CSMD1: variants seen among roughly 807,000 people sequenced by gnomAD.
The protein encoded by CSMD1 is CUB and Sushi multiple domains 1.
Under a neutral mutation model 417.5 loss-of-function variants are expected in CSMD1, and 213 were observed. The ratio of observed to expected loss-of-function variants is 0.51; its 90% CI spans 0.46 to 0.57. The LOEUF (loss-of-function observed/expected upper bound fraction) is 0.57. Among genes scored for constraint, CSMD1 ranks in the 20% least tolerant of loss-of-function variants. The pLI is 0.00. For missense variants in CSMD1, 6,923 were observed against 4,529.7 expected (o/e 1.53, Z -15.17); for synonymous variants, 2,862 against 1,736.8 (o/e 1.65, Z -16.11).
intron 1 of CSMD1, among the ~76,000 whole-genome samples, chr8:4,936,657 T>C (rs1585364483): frequency 6.6e-6 from 1 of 152,216 alleles, no homozygotes; most frequent in Non-Finnish European, 1.5e-5. Context: ...GAGCTAGTTA[T>C]GGACATTATT....
intron 1 of CSMD1, among the ~76,000 whole-genome samples, chr8:4,840,346 AATG>A (rs1169613223): frequency 1.3e-5 from 2 of 152,230 alleles, no homozygotes; most frequent in Admixed American, 6.5e-5. Flanking sequence ...TCTGTAATGC[AATG>A]ATGATAACTG....
chr8:3,843,201 A>G (rs1803246177), intron 5 of CSMD1, among the ~76,000 whole-genome samples: 1 of 152,034 alleles, frequency 6.6e-6, no homozygotes. Flanking sequence ...TTCCTTGAAA[A>G]CCTTGCTTTC....
chr8:4,619,174 T>C (rs570426845), intron 2 of CSMD1, among the ~76,000 whole-genome samples: 1 of 152,270 alleles, frequency 6.6e-6, no homozygotes, highest in African/African-American at 2.4e-5. Context: ...CACTTACTTT[T>C]AAGGGTGGTG....
chr8:4,099,242 T>A (rs1801179502), intron 3 of CSMD1, among the ~76,000 whole-genome samples: 1 of 151,328 alleles, frequency 6.6e-6, no homozygotes, highest in South Asian at 2.1e-4. Context: ...ATTCCTTCCC[T>A]CTTCAAGTGT....
intron 5 of CSMD1, among the ~76,000 whole-genome samples, chr8:3,780,594 A>G (rs1454437508): frequency 1.3e-5 from 2 of 152,214 alleles, no homozygotes; most frequent in African/African-American, 2.4e-5. Context: ...AGTGCATCTA[A>G]TAATTCACTA....
chr8:3,065,799 C>G (rs991765275), intron 49 of CSMD1, among the ~76,000 whole-genome samples: 1 of 152,066 alleles, frequency 6.6e-6, no homozygotes, highest in African/African-American at 2.4e-5. Flanking sequence ...ATGGATAAAT[C>G]AAAAGTATTA....
chr8:4,543,077 A>G (rs1412203515), intron 2 of CSMD1, among the ~76,000 whole-genome samples: 2 of 152,194 alleles, frequency 1.3e-5, no homozygotes, highest in Non-Finnish European at 2.9e-5. Flanking sequence ...CATGCCTCCC[A>G]TAGTTTTCCC....
At chr8:3,808,597 C>G (rs1226206577) in intron 5 of CSMD1, among the ~76,000 whole-genome samples, 2 of 152,190 alleles carry the variant, frequency 1.3e-5, no homozygotes, top group African/African-American at 4.8e-5. Context: ...TAATTGCACA[C>G]TGCTGTCACT....
intron 3 of CSMD1, among the ~76,000 whole-genome samples, chr8:4,168,218 CAT>C (rs1191776273): frequency 2.0e-5 from 3 of 151,348 alleles, no homozygotes; most frequent in African/African-American, 7.3e-5. Flanking sequence ...TATACACACA[CAT>C]ATATACACAA....
In CSMD1 at chr8:4,562,788, A is replaced by C. The variant is rs115982532; in HGVS notation, c.302+74554T>G. On this transcript the variant is annotated intron_variant, in intron 2 of 69. Transcript: ENST00000635120. ...GTCAAGAATATATATCCTAAAAGGT[A>C]TATCATATAAATAAATACAGCAGAT... 3.7e-3 allele frequency among the ~76,000 whole-genome samples: 568 copies of C among 152,282 alleles called. 5 individuals are homozygous for C. Among genetic ancestry groups the C allele is most frequent in the African/African-American group, 0.013 (542 of 41,546 alleles).
At chr8:3,188,056 G>GTGTACATGTATATATATATACATA in intron 35 of CSMD1, 91 bp from the exon 36 acceptor site, 1 of 651,520 alleles carries the variant, frequency 1.5e-6, no homozygotes, top group Non-Finnish European at 2.6e-6. Context: ...CATGATTAAG[G>GTGTACATGTATATATATATACATA]TGTATATGTA....
chr8:4,003,154 G>A (rs1815829006), intron 4 of CSMD1, among the ~76,000 whole-genome samples: 1 of 152,072 alleles, frequency 6.6e-6, no homozygotes, highest in Non-Finnish European at 1.5e-5. Flanking sequence ...AACACTTTGG[G>A]AGCCCTAGGA....
intron 1 of CSMD1, among the ~76,000 whole-genome samples, chr8:4,763,308 C>A (rs749764309): frequency 6.6e-6 from 1 of 152,130 alleles, no homozygotes; most frequent in East Asian, 1.9e-4. Context: ...TAACTCTTTC[C>A]CTCCTGAATG....
intron 1 of CSMD1, among the ~76,000 whole-genome samples, chr8:4,769,061 T>A (rs1465839952): frequency 6.6e-6 from 1 of 152,224 alleles, no homozygotes; most frequent in African/African-American, 2.4e-5. Flanking sequence ...TTAGAATGTG[T>A]GAGGCAAACA....
At chr8:4,158,079 C>A (rs1449547679) in intron 3 of CSMD1, among the ~76,000 whole-genome samples, 1 of 132,660 alleles carries the variant, frequency 7.5e-6, no homozygotes, top group African/African-American at 2.7e-5. Context: ...CATTACAATA[C>A]AAGAAAACCC....
At chr8:3,922,279 G>C (rs957192520) in intron 5 of CSMD1, among the ~76,000 whole-genome samples, 3 of 151,536 alleles carry the variant, frequency 2.0e-5, no homozygotes, top group Non-Finnish European at 4.4e-5. Flanking sequence ...TAAAAACATA[G>C]TGAGTTCCTT....
intron 1 of CSMD1, among the ~76,000 whole-genome samples, chr8:4,760,344 C>A (rs1310200353): frequency 6.6e-6 from 1 of 152,112 alleles, no homozygotes; most frequent in East Asian, 1.9e-4. Flanking sequence ...CTAGTGAAAT[C>A]AACATGAAGG....
intron 3 of CSMD1, among the ~76,000 whole-genome samples, chr8:4,368,553 G>C (rs1263839065): frequency 2.6e-5 from 4 of 152,122 alleles, no homozygotes; most frequent in African/African-American, 7.2e-5. Context: ...ATAGGTACTA[G>C]CTCTTTTTTG....
At chr8:4,277,214 T>TATAC (rs1554515951) in intron 3 of CSMD1, among the ~76,000 whole-genome samples, 1 of 143,764 alleles carries the variant, frequency 7.0e-6, no homozygotes, top group African/African-American at 2.5e-5. Flanking sequence ...TATATATATA[T>TATAC]ATACACACAG....
Sources: gnomAD v4.1 joint callset for allele counts (sites outside exome capture counted in the v4.1 genomes callset) on GRCh38, gnomAD v4.1.1 for gene constraint, MANE v1.5 for transcripts, NCBI Gene and HGNC (gene_info 2026-07-23, HGNC 2026-07-21) for gene names.